The following PBX1 variants were observed in gnomAD, a reference collection of about 807,000 sequenced individuals.
PBX1 encodes pre-B-cell leukemia transcription factor 1.
PBX1 carries 6 observed loss-of-function variants against 53.4 expected under a neutral mutation model. That is an observed-to-expected ratio of 0.11 (90% confidence interval 0.06 to 0.22). The LOEUF (loss-of-function observed/expected upper bound fraction) is 0.22. PBX1 is among the 10% of genes least tolerant of loss of function. PBX1 has a pLI of 1.00. For synonymous variants in PBX1, 204 were observed against 212.3 expected (o/e 0.96, Z 0.34); for missense variants, 251 against 551.4 (o/e 0.46, Z 5.46).
At chr1:164,596,113 T>C (rs1318010451) in intron 2 of PBX1, among the ~76,000 whole-genome samples, 4 of 138,092 alleles carry the variant, frequency 2.9e-5, no homozygotes, top group South Asian at 4.7e-4. Flanking sequence ...TTTTTTTTTT[T>C]CTTGGTTTCT....
At chr1:164,648,471 G>T (rs2101915639) in intron 2 of PBX1, among the ~76,000 whole-genome samples, 1 of 152,324 alleles carries the variant, frequency 6.6e-6, no homozygotes, top group East Asian at 1.9e-4. Flanking sequence ...ACCGTTGTAG[G>T]GAAATCACAC....
Position 164,820,087 on chromosome 1 carries a change from T to C in PBX1, c.1013T>C (p.Phe338Ser). ...TCCTTTCCAGGTTCTTCCAGTTCTTTTAACATGTCAAACTCTGGAGATTTG... is the reference window on the plus strand; with the variant it reads ...TCCTTTCCAGGTTCTTCCAGTTCTTCTAACATGTCAAACTCTGGAGATTTG... Reference protein sequence around the residue: ...TPNSAGSSSSFNMSNSGDLFM... With the variant: ...TPNSAGSSSSSNMSNSGDLFM... Residue 338 changes from phenylalanine (F) to serine (S), a missense_variant, in exon 7 of 9, where the codon TTT becomes TCT. Around this residue, in one of 4 missense-constraint regions of PBX1, gnomAD observed 92 missense variants for 130.4 expected, o/e 0.71. Transcript: ENST00000420696. The C allele has an allele frequency of 6.2e-7, 1 of 1,611,188 alleles. No individual in the cohort carries two copies.
intron 2 of PBX1, among the ~76,000 whole-genome samples, chr1:164,588,473 C>CTTTTTTTTTTTTTTTTTTT (rs371768861): frequency 1.4e-5 from 1 of 73,084 alleles, no homozygotes; most frequent in South Asian, 6.9e-4. Context: ...CCGGACTAAG[C>CTTTTTTTTTTTTTTTTTTT]TTTTTTTTTT....
chr1:164,598,591 C>T (rs1261622585), intron 2 of PBX1, among the ~76,000 whole-genome samples: 1 of 152,230 alleles, frequency 6.6e-6, no homozygotes, highest in East Asian at 1.9e-4. Context: ...TGTTGGATTA[C>T]TGGAACTCTC....
intron 2 of PBX1, among the ~76,000 whole-genome samples, chr1:164,769,516 G>A (rs370738658): frequency 6.6e-6 from 1 of 152,074 alleles, no homozygotes; most frequent in African/African-American, 2.4e-5. Flanking sequence ...AAATGGGCCC[G>A]GTAGAACCAG....
At chr1:164,724,593 G>A (rs1035861634) in intron 2 of PBX1, among the ~76,000 whole-genome samples, 5 of 149,622 alleles carry the variant, frequency 3.3e-5, no homozygotes, top group Non-Finnish European at 1.5e-5. Flanking sequence ...ACAAGCTTGC[G>A]TCTAGACAGT....
rs191424535 is a variant in PBX1 at position 164,603,060 on chromosome 1, G to A, written c.265+39749G>A. Reference sequence around the variant, plus strand: ...TTTTCCCCTACCTTCCTTATAATCCGTCCCTTCCCTTCCTTCTTCCATACC... The same window carrying A: ...TTTTCCCCTACCTTCCTTATAATCCATCCCTTCCCTTCCTTCTTCCATACC... On this transcript the variant is annotated intron_variant, in intron 2 of 8. Transcript: ENST00000420696. Among the ~76,000 whole-genome samples, 559 of 151,310 alleles carry A rather than the reference G, an allele frequency of 3.7e-3. 5 individuals carry two copies. The highest frequency in any genetic ancestry group is 0.013 in the African/African-American group (548 of 41,168).
chr1:164,778,574 C>G (rs1667779135), intron 2 of PBX1, among the ~76,000 whole-genome samples: 1 of 151,136 alleles, frequency 6.6e-6, no homozygotes, highest in Non-Finnish European at 1.5e-5. Context: ...GAGGTCGAGG[C>G]TGCAATGAGC....
chr1:164,786,516 C>G (rs1361008981), intron 2 of PBX1, among the ~76,000 whole-genome samples: 1 of 152,148 alleles, frequency 6.6e-6, no homozygotes, highest in East Asian at 1.9e-4. Context: ...TCACCCAATA[C>G]AGTGGCTCTA....
At chr1:164,658,758 C>T (rs1660316754) in intron 2 of PBX1, among the ~76,000 whole-genome samples, 1 of 152,152 alleles carries the variant, frequency 6.6e-6, no homozygotes, top group South Asian at 2.1e-4. Flanking sequence ...ATAATAACAG[C>T]CAATATTTAT....
chr1:164,698,299 G>A (rs1225801936), intron 2 of PBX1, among the ~76,000 whole-genome samples: 1 of 152,182 alleles, frequency 6.6e-6, no homozygotes, highest in East Asian at 1.9e-4. Flanking sequence ...ACAAAGTTGA[G>A]TAATAATAAT....
At chr1:164,778,169 CAACAG>C (rs1667758987) in intron 2 of PBX1, among the ~76,000 whole-genome samples, 1 of 152,154 alleles carries the variant, frequency 6.6e-6, no homozygotes, top group African/African-American at 2.4e-5. Flanking sequence ...CAAGGTCTTA[CAACAG>C]CAACTCAGTG....
chr1:164,763,427 A>G (rs77681171), intron 2 of PBX1, among the ~76,000 whole-genome samples: 1,569 of 152,332 alleles, frequency 0.01, 30 homozygotes, highest in African/African-American at 0.035. Context: ...TACTTGTACT[A>G]CCACTTGTAT....
At chr1:164,856,567 C>T (rs188882038), downstream of PBX1, among the ~76,000 whole-genome samples, 4 of 152,208 alleles carry the variant, frequency 2.6e-5, no homozygotes, top group African/African-American at 9.6e-5. Context: ...CGGAGTCTTC[C>T]CAGGAGCACA....
intron 4 of PBX1, among the ~76,000 whole-genome samples, chr1:164,804,567 T>A (rs1175273739): frequency 2.0e-5 from 3 of 152,216 alleles, no homozygotes; most frequent in Non-Finnish European, 2.9e-5. Flanking sequence ...TATAGAACAT[T>A]TCACTCATCG....
At chr1:164,758,258 A>G (rs549223770) in intron 2 of PBX1, among the ~76,000 whole-genome samples, 221 of 152,276 alleles carry the variant, frequency 1.5e-3, no homozygotes, top group African/African-American at 5.0e-3. Flanking sequence ...TACCACTTCA[A>G]TGGTTGTTTC....
At chr1:164,690,487 T>C (rs572289144) in intron 2 of PBX1, among the ~76,000 whole-genome samples, 28 of 152,208 alleles carry the variant, frequency 1.8e-4, no homozygotes, top group African/African-American at 5.1e-4. Flanking sequence ...AAGAATACAT[T>C]GTTCGGGCGC....
chr1:164,822,761 T>C (rs1344955709), intron 8 of PBX1, among the ~76,000 whole-genome samples: 1 of 152,198 alleles, frequency 6.6e-6, no homozygotes, highest in Non-Finnish European at 1.5e-5. Context: ...ATTAGATTCA[T>C]CATGAATGAT....
intron 2 of PBX1, among the ~76,000 whole-genome samples, chr1:164,576,376 G>T (rs1250275730): frequency 6.6e-6 from 1 of 152,166 alleles, no homozygotes; most frequent in Non-Finnish European, 1.5e-5. Flanking sequence ...GCTTGGGAGC[G>T]CCCGGCCACT....
Sources: allele counts gnomAD v4.1 joint callset (sites outside exome capture counted in the v4.1 genomes callset), GRCh38; gene constraint gnomAD v4.1.1; regional missense constraint gnomAD v4.1.1; transcripts MANE v1.5; gene names NCBI Gene and HGNC (gene_info 2026-07-23, HGNC 2026-07-21).